GRIN2B: variants seen among roughly 807,000 people sequenced by gnomAD.
The protein encoded by GRIN2B is glutamate receptor ionotropic, NMDA 2B.
A neutral mutation model predicts 114.5 loss-of-function variants in GRIN2B; 5 were observed. The observed-to-expected ratio is 0.04, with a 90% CI of 0.02 to 0.09. GRIN2B has a LOEUF of 0.09. GRIN2B is among the 10% of genes least tolerant of loss of function. The pLI, the probability that GRIN2B is intolerant of heterozygous loss-of-function variation, is 1.00. For missense variants in GRIN2B, 1,108 were observed against 1,943.5 expected (o/e 0.57, Z 8.08); for synonymous variants, 787 against 745.1 (o/e 1.06, Z -0.92).
intron 5 of GRIN2B, among the ~76,000 whole-genome samples, chr12:13,674,780 A>G (rs564076433): frequency 1.3e-5 from 2 of 152,324 alleles, no homozygotes; most frequent in East Asian, 3.9e-4. Flanking sequence ...GTCTCAAGGT[A>G]GAATAATTTT....
In GRIN2B at chr12:13,563,554, C is replaced by T. The variant is rs201339988; in HGVS notation, c.3684G>A (p.Thr1228=). 8 of 1,614,024 alleles carry T rather than the reference C, an allele frequency of 5.0e-6. No individual in the cohort carries two copies. The highest frequency in any genetic ancestry group is 5.9e-6 in the Non-Finnish European group (7 of 1,180,044). ...GCCTGCCCGAGTTCTGACCCGTCACCGTCGTGGAGTAGTTGTGCAGCTTGG... is the reference window on the plus strand; with the variant it reads ...GCCTGCCCGAGTTCTGACCCGTCACTGTCGTGGAGTAGTTGTGCAGCTTGG... ...CPSKLHNYST[T]VTGQNSGRQA... The change falls in exon 14 of 14, where the codon ACG becomes ACA. Residue 1228 remains threonine, a synonymous_variant. Transcript: ENST00000609686.
chr12:13,949,425 A>G (rs1768297366), intron 2 of GRIN2B, among the ~76,000 whole-genome samples: 1 of 152,098 alleles, frequency 6.6e-6, no homozygotes, highest in African/African-American at 2.4e-5. Context: ...CAGGGTTGCT[A>G]CAGGTTTCCA....
At chr12:13,920,090 G>A (rs1048915964) in intron 2 of GRIN2B, among the ~76,000 whole-genome samples, 12 of 151,902 alleles carry the variant, frequency 7.9e-5, no homozygotes, top group Non-Finnish European at 1.5e-4. Flanking sequence ...CTAAGAGCCC[G>A]CCTCCTCACT....
In GRIN2B at chr12:13,564,087, C is replaced by T; in HGVS notation, c.3151G>A (p.Gly1051Ser). The change falls in exon 14 of 14, where the codon GGC becomes AGC. Residue 1051 changes from glycine (G) to serine (S), a missense_variant. By Grantham distance (56) the Gly-to-Ser change is moderately conservative (BLOSUM62 0). Transcript: ENST00000609686. The surrounding 1 kb of genome is among the most constrained non-coding windows in gnomAD (Gnocchi z 4.8). ...TCGGAGCGGATCAAGTCGTCGTGGCCACTGTAGCGGTCGCTCTTGAAGGAG... is the reference window on the plus strand; with the variant it reads ...TCGGAGCGGATCAAGTCGTCGTGGCTACTGTAGCGGTCGCTCTTGAAGGAG... ...KFSFKSDRYS[G>S]HDDLIRSDVS... 1 of 1,614,174 alleles carries T rather than the reference C, an allele frequency of 6.2e-7. No homozygotes were observed. The highest frequency in any genetic ancestry group is 1.1e-5 in the South Asian group (1 of 91,072).
rs1591593214 is a variant in GRIN2B at position 13,542,068 on chromosome 12, C to G, written c.*20715G>C. On this transcript the variant is annotated 3_prime_UTR_variant, in exon 14 of 14. Coordinates refer to ENST00000609686, the MANE Select transcript of GRIN2B (RefSeq NM_000834.5). ...CTCAGAGTCCTTTTCTTTCTAAGCCCTCTCCTGATCCTTGAAAACGCTCTC... is the reference window on the plus strand; with the variant it reads ...CTCAGAGTCCTTTTCTTTCTAAGCCGTCTCCTGATCCTTGAAAACGCTCTC... 2.6e-5 allele frequency: 4 copies of G among 152,132 alleles called. No individual in the cohort carries two copies. 9.4% of individuals were successfully genotyped at this position (152,132 alleles called of 1,614,324 possible).
At chr12:13,784,345 G>T (rs1230015787) in intron 3 of GRIN2B, among the ~76,000 whole-genome samples, 2 of 150,918 alleles carry the variant, frequency 1.3e-5, no homozygotes, top group Non-Finnish European at 2.9e-5. Context: ...ACCTAGAGGA[G>T]TGACTAAAAT....
chr12:13,883,534 C>T (rs10845854), intron 2 of GRIN2B, among the ~76,000 whole-genome samples: 59,932 of 151,720 alleles, frequency 0.4, 13,112 homozygotes, highest in East Asian at 0.62. Flanking sequence ...AGTTTTGAGT[C>T]GAATCTCCTG....
chr12:13,590,651 A>G (rs771925487), intron 10 of GRIN2B, among the ~76,000 whole-genome samples: 1 of 152,082 alleles, frequency 6.6e-6, no homozygotes, highest in Non-Finnish European at 1.5e-5. Flanking sequence ...TCTATCATTG[A>G]TGGGCATTTA....
At position 13,660,076 on chromosome 12, in the gene GRIN2B, C is replaced by T. The variant is rs113531259; in HGVS notation, c.1125+15669G>A. Among the ~76,000 whole-genome samples the T allele has an allele frequency of 6.6e-4, 101 of 152,242 alleles. 1 individual carries two copies. Among genetic ancestry groups the T allele is most frequent in the Middle Eastern group, 3.4e-3 (1 of 294 alleles). ...GGCAGGGTTGCTCACAGCGAGGTGG[C>T]TGGCTTCCCTTAGAGCAAGGGATGC... On this transcript the variant is annotated intron_variant, in intron 5 of 13. Transcript: ENST00000609686.
intron 5 of GRIN2B, among the ~76,000 whole-genome samples, chr12:13,665,051 T>C (rs1949960131): frequency 1.3e-5 from 2 of 152,118 alleles, no homozygotes; most frequent in South Asian, 4.1e-4. Flanking sequence ...CTGTAGGTAG[T>C]TATGGCCTTT....
intron 10 of GRIN2B, among the ~76,000 whole-genome samples, chr12:13,607,311 A>AT (rs1949276113): frequency 1.4e-5 from 1 of 72,704 alleles, no homozygotes; most frequent in Non-Finnish European, 2.5e-5. Context: ...TATATTATAT[A>AT]TAATATAAAA....
chr12:13,747,368 G>A (rs565626350), intron 4 of GRIN2B, among the ~76,000 whole-genome samples: 39 of 152,292 alleles, frequency 2.6e-4, no homozygotes, highest in Admixed American at 5.2e-4. Context: ...AGTTTGAATC[G>A]TCCTCCCATT....
intron 2 of GRIN2B, among the ~76,000 whole-genome samples, chr12:13,891,923 A>G (rs1169349292): frequency 2.0e-5 from 3 of 152,334 alleles, no homozygotes; most frequent in South Asian, 2.1e-4. Context: ...AAATATAAAC[A>G]TAAGACAAGC....
At chr12:13,654,442 C>A (rs543097709) in intron 5 of GRIN2B, among the ~76,000 whole-genome samples, 1 of 152,290 alleles carries the variant, frequency 6.6e-6, no homozygotes, top group Non-Finnish European at 1.5e-5. Flanking sequence ...AAGTGAAAAT[C>A]TTGACAGGAA....
intron 3 of GRIN2B, among the ~76,000 whole-genome samples, chr12:13,853,875 T>C (rs890127824): frequency 4.6e-5 from 7 of 152,220 alleles, no homozygotes; most frequent in Admixed American, 1.3e-4. Flanking sequence ...TTAATAAATA[T>C]GTATTAAGGG....
At chr12:13,735,653 C>A (rs183966457) in intron 4 of GRIN2B, among the ~76,000 whole-genome samples, 24 of 152,312 alleles carry the variant, frequency 1.6e-4, no homozygotes, top group African/African-American at 5.8e-4. Context: ...CATGCTGGCC[C>A]AACAGGGCTC....
chr12:13,686,045 T>C (rs1950172200), intron 4 of GRIN2B, among the ~76,000 whole-genome samples: 1 of 152,088 alleles, frequency 6.6e-6, no homozygotes. Context: ...AAAATACATC[T>C]AGATGAGAAA....
At chr12:13,695,242 G>A (rs543131941) in intron 4 of GRIN2B, among the ~76,000 whole-genome samples, 2 of 152,204 alleles carry the variant, frequency 1.3e-5, no homozygotes, top group Admixed American at 6.5e-5. Flanking sequence ...TACATCTTTC[G>A]CTCACCTATC....
chr12:13,565,528 G>A (rs1409288598), intron 13 of GRIN2B, among the ~76,000 whole-genome samples: 1 of 152,182 alleles, frequency 6.6e-6, no homozygotes, highest in African/African-American at 2.4e-5. Context: ...CACCGTGCAG[G>A]AGAGGCAACG....
Sources: gnomAD v4.1 joint callset for allele counts (sites outside exome capture counted in the v4.1 genomes callset) on GRCh38, gnomAD v4.1.1 for gene constraint, Gnocchi (gnomAD v3.1) non-coding constraint, MANE v1.5 for transcripts, NCBI Gene and HGNC (gene_info 2026-07-23, HGNC 2026-07-21) for gene names.